Variants in FAM107B observed in about 807,000 individuals in gnomAD.
FAM107B encodes the protein protein FAM107B.
A neutral mutation model predicts 31.5 loss-of-function variants in FAM107B; 21 were observed. That is an observed-to-expected ratio of 0.67 (90% CI 0.47 to 0.96). FAM107B has a LOEUF of 0.96. FAM107B is among the 40% of genes least tolerant of loss of function. The pLI, the probability that FAM107B is intolerant of heterozygous loss-of-function variation, is 0.00. For synonymous variants in FAM107B, 157 were observed against 141.5 expected (o/e 1.11, Z -0.78); for missense variants, 452 against 377.1 (o/e 1.20, Z -1.64).
chr10:14,577,776 C>A (rs1364310130), intron 2 of FAM107B, among the ~76,000 whole-genome samples: 1 of 152,262 alleles, frequency 6.6e-6, no homozygotes, highest in Non-Finnish European at 1.5e-5. Context: ...ATGTTTTTAA[C>A]CCCCAATGTG....
At chr10:14,730,945 T>A (rs1239237680) in intron 1 of FAM107B, among the ~76,000 whole-genome samples, 1 of 150,908 alleles carries the variant, frequency 6.6e-6, no homozygotes, top group Non-Finnish European at 1.5e-5. Context: ...GGTGAGGGAG[T>A]GGAGGCAGAA....
intron 1 of FAM107B, among the ~76,000 whole-genome samples, chr10:14,735,750 C>T (rs1856286091): frequency 6.6e-6 from 1 of 152,158 alleles, no homozygotes; most frequent in South Asian, 2.1e-4. Flanking sequence ...CACTGGAAAG[C>T]CTTTCATAGT....
intron 2 of FAM107B, among the ~76,000 whole-genome samples, chr10:14,627,293 T>A (rs1853190264): frequency 6.6e-6 from 1 of 152,246 alleles, no homozygotes; most frequent in Admixed American, 6.5e-5. Flanking sequence ...ATTTTCTCCA[T>A]CCCAAGCTAT....
At position 14,663,657 on chromosome 10, in the gene FAM107B, C is replaced by T. The variant is rs140074881; in HGVS notation, c.469+3977G>A. ...TCCACAAAGTGACAAGGAAATGCTA[C>T]CTGATTCCGGGAAAGGCACTAAGGT... On this transcript the variant is annotated intron_variant, in intron 2 of 4. Coordinates refer to ENST00000181796, the MANE Select transcript of FAM107B (RefSeq NM_031453.4). Among the ~76,000 whole-genome samples, 77 of 152,232 alleles carry T rather than the reference C, an allele frequency of 5.1e-4. No individual in the cohort carries two copies. In the Middle Eastern group the frequency reaches 0.01, roughly 20 times the overall value.
chr10:14,565,875 G>A (rs920630472), intron 2 of FAM107B, among the ~76,000 whole-genome samples: 1 of 152,152 alleles, frequency 6.6e-6, no homozygotes, highest in African/African-American at 2.4e-5. Context: ...AGAGGAGGAT[G>A]CGCTCCACAG....
At chr10:14,636,791 T>C (rs1357409237) in intron 2 of FAM107B, among the ~76,000 whole-genome samples, 2 of 152,180 alleles carry the variant, frequency 1.3e-5, no homozygotes, top group Non-Finnish European at 1.5e-5. Context: ...CCTGCTGCTA[T>C]AGCCTTGAAC....
intron 2 of FAM107B, among the ~76,000 whole-genome samples, chr10:14,591,742 C>A (rs987338596): frequency 6.6e-6 from 1 of 152,192 alleles, no homozygotes; most frequent in Non-Finnish European, 1.5e-5. Context: ...GCTGAGGCAA[C>A]GTTAAGCCAG....
chr10:14,690,976 A>G (rs1855120255), intron 1 of FAM107B, among the ~76,000 whole-genome samples: 3 of 152,200 alleles, frequency 2.0e-5, no homozygotes, highest in Non-Finnish European at 2.9e-5. Flanking sequence ...GAAAAGCACA[A>G]TGGGAGAGCA....
intron 2 of FAM107B, among the ~76,000 whole-genome samples, chr10:14,647,759 T>A (rs1588681084): frequency 6.6e-6 from 1 of 152,066 alleles, no homozygotes; most frequent in South Asian, 2.1e-4. Context: ...AACAAGGCAT[T>A]TGCAGTCAAC....
At chr10:14,599,889 A>G (rs1022464000) in intron 2 of FAM107B, among the ~76,000 whole-genome samples, 3 of 151,606 alleles carry the variant, frequency 2.0e-5, no homozygotes, top group South Asian at 4.2e-4. Flanking sequence ...CATCACATAC[A>G]TCTCATGAAT....
intron 1 of FAM107B, among the ~76,000 whole-genome samples, chr10:14,767,083 G>GAGAGAC (rs1833193463): frequency 9.4e-6 from 1 of 106,450 alleles, no homozygotes; most frequent in Non-Finnish European, 1.8e-5. Flanking sequence ...GAGAGAGAGA[G>GAGAGAC]AGAGAGAGAG....
chr10:14,572,625 C>T (rs1037747094), intron 2 of FAM107B, among the ~76,000 whole-genome samples: 5 of 150,498 alleles, frequency 3.3e-5, no homozygotes, highest in African/African-American at 1.2e-4. Context: ...TCCAGAGGAT[C>T]GCTTGTACCC....
chr10:14,572,721 TCA>T (rs1564579944), intron 2 of FAM107B, among the ~76,000 whole-genome samples: 34 of 66,808 alleles, frequency 5.1e-4, no homozygotes, highest in Admixed American at 8.9e-4. Flanking sequence ...CCCCATCTCT[TCA>T]AAAAAAAAAA....
chr10:14,750,722 G>T (rs921149127), intron 1 of FAM107B, among the ~76,000 whole-genome samples: 1 of 152,196 alleles, frequency 6.6e-6, no homozygotes, highest in African/African-American at 2.4e-5. Context: ...TGAGATGGGG[G>T]AATTGCTTGA....
chr10:14,617,508 T>G (rs1386359767), intron 2 of FAM107B, among the ~76,000 whole-genome samples: 2 of 152,164 alleles, frequency 1.3e-5, no homozygotes, highest in Non-Finnish European at 2.9e-5. Flanking sequence ...AAATTGTACA[T>G]TCTGGCATCT....
In FAM107B at chr10:14,731,553, C is replaced by T. The variant is rs563877215; in HGVS notation, c.411+42700G>A. Among the ~76,000 whole-genome samples the T allele has an allele frequency of 2.0e-5, 3 of 152,224 alleles. No homozygotes were observed. In the East Asian group the frequency reaches 5.8e-4, roughly 29 times the overall value. On this transcript the variant is annotated intron_variant, in intron 1 of 4. Coordinates refer to ENST00000181796, the MANE Select transcript of FAM107B (RefSeq NM_031453.4). ...CTCCAGCCTGGGTGACAGAGCGAGA[C>T]TCCATCTCAAAAAATAAATCAATAA...
chr10:14,632,528 G>A lies in FAM107B; in HGVS notation c.469+35106C>T, dbSNP rs12219500. Reference sequence around the variant, plus strand: ...CGGGAGGCTGAGGCAGGAGAATGGCGTGAACCCGGGAGGCGGAGCTTGCAG... The same window carrying A: ...CGGGAGGCTGAGGCAGGAGAATGGCATGAACCCGGGAGGCGGAGCTTGCAG... On this transcript the variant is annotated intron_variant, in intron 2 of 4. Coordinates refer to ENST00000181796, the MANE Select transcript of FAM107B (RefSeq NM_031453.4). 3.2e-3 allele frequency among the ~76,000 whole-genome samples: 473 copies of A among 149,192 alleles called. 10 individuals are homozygous for A. The East Asian group carries it at 0.06, about 19-fold the overall frequency.
intron 1 of FAM107B, among the ~76,000 whole-genome samples, chr10:14,706,613 C>T (rs1258438951): frequency 1.3e-5 from 2 of 152,202 alleles, no homozygotes; most frequent in African/African-American, 2.4e-5. Flanking sequence ...ATATATATAG[C>T]TTTTCCCCAA....
At chr10:14,672,908 C>G (rs2131482233) in intron 1 of FAM107B, among the ~76,000 whole-genome samples, 1 of 152,310 alleles carries the variant, frequency 6.6e-6, no homozygotes, top group Non-Finnish European at 1.5e-5. Flanking sequence ...TAACATTTCA[C>G]TCTAGGGCAG....
Sources: gnomAD v4.1 joint callset for allele counts (sites outside exome capture counted in the v4.1 genomes callset) on GRCh38, gnomAD v4.1.1 for gene constraint, MANE v1.5 for transcripts, NCBI Gene and HGNC (gene_info 2026-07-23, HGNC 2026-07-21) for gene names.